EPM2A: variants seen among roughly 807,000 people sequenced by gnomAD.
EPM2A encodes laforin.
EPM2A carries 21 observed loss-of-function variants against 26.5 expected under a neutral mutation model. The ratio of observed to expected loss-of-function variants is 0.79; its 90% confidence interval spans 0.56 to 1.14. EPM2A has a LOEUF of 1.14. EPM2A is among the 50% of genes most tolerant of loss of function. The pLI, the probability that EPM2A is intolerant of heterozygous loss-of-function variation, is 0.00. For missense variants in EPM2A, 458 were observed against 440.8 expected (o/e 1.04, Z -0.35); for synonymous variants, 217 against 177.6 (o/e 1.22, Z -1.76).
At chr6:145,549,487 T>C (rs570245029) in intron 2 of EPM2A, among the ~76,000 whole-genome samples, 5 of 152,288 alleles carry the variant, frequency 3.3e-5, no homozygotes, top group Admixed American at 6.5e-5. Context: ...AGAGTATTCA[T>C]GAGGCAGAAC....
chr6:145,466,685 C>A (rs1426224110), intron 4 of EPM2A, among the ~76,000 whole-genome samples: 1 of 152,124 alleles, frequency 6.6e-6, no homozygotes, highest in Admixed American at 6.5e-5. Flanking sequence ...TATAAAGACA[C>A]ATGCACAGGT....
chr6:145,572,611 G>A (rs2114826468), intron 2 of EPM2A, among the ~76,000 whole-genome samples: 1 of 152,296 alleles, frequency 6.6e-6, no homozygotes, highest in South Asian at 2.1e-4. Flanking sequence ...CTCAAAAGGA[G>A]AGTAGTTATC....
intron 2 of EPM2A, among the ~76,000 whole-genome samples, chr6:145,561,911 C>G (rs1461756206): frequency 2.6e-5 from 4 of 151,836 alleles, no homozygotes; most frequent in African/African-American, 9.7e-5. Context: ...GGGTGGAGGG[C>G]AAGAGGAGGG....
At chr6:145,393,801 A>C (rs1778368968) in intron 4 of EPM2A, among the ~76,000 whole-genome samples, 1 of 151,664 alleles carries the variant, frequency 6.6e-6, no homozygotes, top group Admixed American at 6.6e-5. Flanking sequence ...GGTCAGGGTC[A>C]CTAATCAACC....
intron 2 of EPM2A, among the ~76,000 whole-genome samples, chr6:145,565,046 G>T (rs1780864524): frequency 6.6e-6 from 1 of 152,144 alleles, no homozygotes; most frequent in African/African-American, 2.4e-5. Flanking sequence ...CAGCTCATGG[G>T]TGACTCTGTC....
chr6:145,657,518 T>C (rs954580211), intron 2 of EPM2A, among the ~76,000 whole-genome samples: 2 of 152,236 alleles, frequency 1.3e-5, no homozygotes, highest in Non-Finnish European at 2.9e-5. Flanking sequence ...TAGATTCTAT[T>C]TAATTTTTCT....
chr6:145,529,423 G>A (rs1364790411), intron 2 of EPM2A, among the ~76,000 whole-genome samples: 1 of 152,044 alleles, frequency 6.6e-6, no homozygotes, highest in Non-Finnish European at 1.5e-5. Context: ...TCACTACCCT[G>A]CTTATTCAGC....
intron 2 of EPM2A, among the ~76,000 whole-genome samples, chr6:145,506,649 AAAAGAAAATAC>A (rs1779978130): frequency 6.6e-6 from 1 of 152,194 alleles, no homozygotes; most frequent in African/African-American, 2.4e-5. Flanking sequence ...AAGCATATGG[AAAAGAAAATAC>A]AAAGAAAATA....
chr6:145,540,633 C>A lies in EPM2A; in HGVS notation c.341-38058G>T, dbSNP rs555257714. Reference sequence around the variant, plus strand: ...TCCTAGACTTCTGGTCAAGTTTGAACTGAACTCAGTGATAAGTAAAGAATA... The same window carrying A: ...TCCTAGACTTCTGGTCAAGTTTGAAATGAACTCAGTGATAAGTAAAGAATA... On this transcript the variant is annotated intron_variant, in intron 2 of 3. Transcript: ENST00000450221. 3.9e-5 allele frequency among the ~76,000 whole-genome samples: 6 copies of A among 152,290 alleles called. No individual in the cohort carries two copies. In the East Asian group the frequency reaches 9.7e-4, roughly 24 times the overall value.
intron 2 of EPM2A, among the ~76,000 whole-genome samples, chr6:145,540,496 A>G (rs1271033815): frequency 6.6e-6 from 1 of 152,072 alleles, no homozygotes; most frequent in African/African-American, 2.4e-5. Flanking sequence ...AACAACCTCA[A>G]CAAATTTTTT....
At chr6:145,484,232 A>G (rs1779646293) in intron 4 of EPM2A, among the ~76,000 whole-genome samples, 1 of 152,086 alleles carries the variant, frequency 6.6e-6, no homozygotes. Flanking sequence ...CAGTCCTGTA[A>G]TACATTTAGT....
At chr6:145,533,195 T>C (rs1455202414) in intron 2 of EPM2A, among the ~76,000 whole-genome samples, 2 of 152,172 alleles carry the variant, frequency 1.3e-5, no homozygotes, top group East Asian at 1.9e-4. Flanking sequence ...TTGATTCTCT[T>C]GTTTCTTCTC....
At chr6:145,728,532 G>A (rs1776326699) in intron 1 of EPM2A, among the ~76,000 whole-genome samples, 1 of 152,172 alleles carries the variant, frequency 6.6e-6, no homozygotes, top group African/African-American at 2.4e-5. Flanking sequence ...AGAGATTTGT[G>A]GAAATCTGAA....
intron 2 of EPM2A, among the ~76,000 whole-genome samples, chr6:145,517,245 T>C (rs1256664712): frequency 6.6e-6 from 1 of 152,184 alleles, no homozygotes. Context: ...TTTTGCAAGA[T>C]GATTAAGTTC....
At chr6:145,573,896 C>A (rs985758829) in intron 2 of EPM2A, among the ~76,000 whole-genome samples, 1 of 152,132 alleles carries the variant, frequency 6.6e-6, no homozygotes, top group Admixed American at 6.5e-5. Flanking sequence ...ACTGGAGGAC[C>A]ATAATGATGT....
chr6:145,432,107 T>C (rs1289206960), intron 4 of EPM2A, among the ~76,000 whole-genome samples: 1 of 152,208 alleles, frequency 6.6e-6, no homozygotes, highest in Non-Finnish European at 1.5e-5. Context: ...TTGCTATTTC[T>C]ACCACACCTA....
At chr6:145,551,902 G>C (rs1202820440) in intron 2 of EPM2A, among the ~76,000 whole-genome samples, 1 of 150,698 alleles carries the variant, frequency 6.6e-6, no homozygotes, top group Non-Finnish European at 1.5e-5. Context: ...CATGAACAAA[G>C]AGCAAGGCAT....
At chr6:145,563,137 G>A (rs1283842989) in intron 2 of EPM2A, among the ~76,000 whole-genome samples, 1 of 151,706 alleles carries the variant, frequency 6.6e-6, no homozygotes, top group Non-Finnish European at 1.5e-5. Context: ...AGAGGGTGGG[G>A]CCCAGGCAAG....
chr6:145,611,871 A>G (rs1346785888), intron 2 of EPM2A, among the ~76,000 whole-genome samples: 5 of 152,148 alleles, frequency 3.3e-5, no homozygotes, highest in Non-Finnish European at 7.4e-5. Context: ...AGAAGAAAAA[A>G]AAACACTTCT....
Sources: gnomAD v4.1 joint callset for allele counts (sites outside exome capture counted in the v4.1 genomes callset) on GRCh38, gnomAD v4.1.1 for gene constraint, MANE v1.5 for transcripts, NCBI Gene and HGNC (gene_info 2026-07-23, HGNC 2026-07-21) for gene names.